The following ABLIM1 variants were observed in gnomAD, a reference collection of about 807,000 sequenced individuals.
The protein encoded by ABLIM1 is actin-binding LIM protein 1.
In ABLIM1, 40 loss-of-function variants were observed where a neutral mutation model predicts 107.0. The observed-to-expected ratio is 0.37, with a 90% CI of 0.29 to 0.49. The LOEUF (loss-of-function observed/expected upper bound fraction) is 0.49, where lower values mean the gene tolerates loss of function less well. Among genes scored for constraint, ABLIM1 ranks in the 20% least tolerant of loss-of-function variants. The pLI, the probability that ABLIM1 is intolerant of heterozygous loss-of-function variation, is 0.97. For synonymous variants in ABLIM1, 357 were observed against 357.3 expected, an observed-to-expected ratio of 1.00 and a Z score of 0.01; for missense variants, 857 against 1,008.5, an observed-to-expected ratio of 0.85 and a Z score of 2.04.
At chr10:114,556,075 AG>A (rs2068692408) in intron 4 of ABLIM1, among the ~76,000 whole-genome samples, 1 of 152,078 alleles carries the variant, frequency 6.6e-6, no homozygotes, top group Non-Finnish European at 1.5e-5. Flanking sequence ...AGGAGCTCCA[AG>A]AAAAAAAAAA....
At chr10:114,634,129 C>CCTTTTTTTTTTT (rs1555212577) in intron 1 of ABLIM1, among the ~76,000 whole-genome samples, 1 of 68,298 alleles carries the variant, frequency 1.5e-5, no homozygotes, top group African/African-American at 6.4e-5. Context: ...CTCAATTTTT[C>CCTTTTTTTTTTT]TTTTTTTTTT....
At chr10:114,611,175 C>A (rs11599283) in intron 1 of ABLIM1, among the ~76,000 whole-genome samples, 62,243 of 151,398 alleles carry the variant, frequency 0.41, 13,585 homozygotes, top group Non-Finnish European at 0.5. Context: ...AAATAGATAC[C>A]CTGATACTTG....
chr10:114,432,281 G>T lies in ABLIM1; in HGVS notation c.*3979C>A, dbSNP rs1212905139. 6.6e-6 allele frequency: 1 copy of T among 152,202 alleles called. No homozygotes were observed. Among genetic ancestry groups the T allele is most frequent in the Non-Finnish European group, 1.5e-5 (1 of 68,032 alleles). 9.4% of individuals were successfully genotyped at this position (152,202 alleles called of 1,614,324 possible). A position where few individuals can be genotyped will look rare whatever the true frequency, so the allele number is the denominator to read the frequency against. ...AATAGCTACCAGAAACACAGAAGAG[G>T]TGGTTAATAAAAACTGAGATTGCTT... On this transcript the variant is annotated 3_prime_UTR_variant, in exon 23 of 23. Coordinates refer to ENST00000533213, the MANE Select transcript of ABLIM1 (RefSeq NM_002313.7).
chr10:114,701,694 G>A (rs967512129), intron 1 of ABLIM1, among the ~76,000 whole-genome samples: 5 of 152,174 alleles, frequency 3.3e-5, no homozygotes, highest in African/African-American at 1.2e-4. Flanking sequence ...GTCAATTTAT[G>A]TGAAGTTCTA....
chr10:114,517,396 C>A (rs2063022985), intron 6 of ABLIM1, among the ~76,000 whole-genome samples: 1 of 152,134 alleles, frequency 6.6e-6, no homozygotes, highest in African/African-American at 2.4e-5. Flanking sequence ...GATGCTGCAG[C>A]ACTGGAAGCC....
intron 1 of ABLIM1, among the ~76,000 whole-genome samples, chr10:114,639,826 T>A (rs2078656175): frequency 6.6e-6 from 1 of 152,188 alleles, no homozygotes; most frequent in African/African-American, 2.4e-5. Context: ...AGTTTGTGTG[T>A]TTGCTATTCC....
At chr10:114,473,261 AAC>A in intron 9 of ABLIM1, 129 bp from the exon 10 acceptor site, 2 of 867,766 alleles carry the variant, frequency 2.3e-6, no homozygotes, top group Middle Eastern at 2.3e-4. Flanking sequence ...CATCTTGCCT[AAC>A]ACAGTTATAC....
intron 1 of ABLIM1, among the ~76,000 whole-genome samples, chr10:114,614,207 G>A (rs538338330): frequency 3.9e-5 from 6 of 152,132 alleles, no homozygotes; most frequent in Non-Finnish European, 5.9e-5. Flanking sequence ...CTCCCAGCAC[G>A]TTGGGAGGCT....
intron 1 of ABLIM1, among the ~76,000 whole-genome samples, chr10:114,609,681 T>C (rs143869854): frequency 7.5e-4 from 114 of 152,342 alleles, no homozygotes; most frequent in Middle Eastern, 3.4e-3. Flanking sequence ...TTATCCCTAA[T>C]AACACTATAG....
At chr10:114,770,572 C>T (rs906452314), upstream of ABLIM1, among the ~76,000 whole-genome samples, 37 of 152,294 alleles carry the variant, frequency 2.4e-4, no homozygotes, top group African/African-American at 8.4e-4. Context: ...CTCCTTCTAC[C>T]TTAACCCACA....
rs1338323520 is a variant in ABLIM1, at chr10:114,473,952, G to T, written c.1046C>A (p.Thr349Asn). The change falls in exon 9 of 23, where the codon ACC (threonine) becomes AAC (asparagine). Residue 349 changes from threonine (T) to asparagine (N), a missense_variant. Around this residue, in one of 5 missense-constraint regions of ABLIM1, gnomAD observed 381 missense variants for 506.9 expected, o/e 0.75. Coordinates refer to ENST00000533213, the MANE Select transcript of ABLIM1 (RefSeq NM_002313.7). ...ATAAATACTTTCCGAGGATGTCCTG[G>T]TAGGCTGTAAAATAAACAGTGACTT... is the stretch of plus-strand genomic sequence containing the variant. ...STKTEEKLRP[T>N]RTSSESIYSR... 2 of 1,613,284 alleles carry T rather than the reference G, an allele frequency of 1.2e-6. No individual in the cohort carries two copies. The highest frequency in any genetic ancestry group is 1.7e-5 in the Admixed American group (1 of 60,018).
upstream of ABLIM1, chr10:114,658,354 C>A: frequency 7.2e-7 from 1 of 1,395,164 alleles, no homozygotes; most frequent in East Asian, 2.4e-5. Context: ...AGTGATTACC[C>A]TCAAGAGCTT....
chr10:114,770,009 A>C (rs1287442425), upstream of ABLIM1, among the ~76,000 whole-genome samples: 7 of 152,182 alleles, frequency 4.6e-5, no homozygotes, highest in Non-Finnish European at 1.0e-4. Context: ...GCATGATCAC[A>C]GGAATAGCCT....
chr10:114,578,337 T>C (rs747811272), intron 2 of ABLIM1, among the ~76,000 whole-genome samples: 12 of 151,874 alleles, frequency 7.9e-5, no homozygotes, highest in Non-Finnish European at 1.5e-4. Flanking sequence ...GTTCTTTTTC[T>C]ATTCCCTTTC....
At chr10:114,704,819 C>CTCT (rs886853561) in intron 1 of ABLIM1, among the ~76,000 whole-genome samples, 24 of 152,162 alleles carry the variant, frequency 1.6e-4, no homozygotes, top group African/African-American at 5.6e-4. Context: ...GGATCATTGA[C>CTCT]TCTAATAAGG....
chr10:114,477,342 G>C (rs1043662817), intron 8 of ABLIM1, among the ~76,000 whole-genome samples: 7 of 152,188 alleles, frequency 4.6e-5, no homozygotes, highest in African/African-American at 1.7e-4. Flanking sequence ...GGTGGGGAGA[G>C]GGTGTGCGGC....
chr10:114,628,087 A>G (rs116963014), intron 1 of ABLIM1, among the ~76,000 whole-genome samples: 1,685 of 152,232 alleles, frequency 0.011, 20 homozygotes, highest in East Asian at 0.029. Flanking sequence ...GGGCCATTGC[A>G]TGCCAGCCTG....
rs573478912 is a variant in ABLIM1 at position 114,631,151 on chromosome 10, A to C, written c.244+26806T>G. The stretch of plus-strand genomic sequence containing the variant: ...GTTTATATATTACTTGAATCACTCA[A>C]AACAAGCACTGTGGTGTTCTTTCAC... On this transcript the variant is annotated intron_variant, in intron 1 of 22. Transcript: ENST00000533213. Among the ~76,000 whole-genome samples, 10 of 152,380 alleles carry C rather than the reference A, an allele frequency of 6.6e-5. No individual in the cohort carries two copies. The South Asian group carries it at 2.1e-3, about 32-fold the overall frequency.
intron 1 of ABLIM1, among the ~76,000 whole-genome samples, chr10:114,627,541 G>T (rs1451407585): frequency 1.3e-5 from 2 of 152,068 alleles, no homozygotes; most frequent in African/African-American, 2.4e-5. Flanking sequence ...AGGGCAAGCA[G>T]GAGATGATAA....
Sources: allele counts gnomAD v4.1 joint callset (sites outside exome capture counted in the v4.1 genomes callset), GRCh38; gene constraint gnomAD v4.1.1; regional missense constraint gnomAD v4.1.1; transcripts MANE v1.5; gene names NCBI Gene and HGNC (gene_info 2026-07-23, HGNC 2026-07-21).